ANKRD44: variants seen among roughly 807,000 people sequenced by gnomAD.
The protein encoded by ANKRD44 is serine/threonine-protein phosphatase 6 regulatory ankyrin repeat subunit B.
A neutral mutation model predicts 116.0 loss-of-function variants in ANKRD44; 35 were observed. That is an observed-to-expected ratio of 0.30 (90% CI 0.23 to 0.40). The LOEUF (loss-of-function observed/expected upper bound fraction) is 0.40. ANKRD44 is among the 10% of genes least tolerant of loss of function. The probability of loss-of-function intolerance (pLI) is 1.00; values close to 1 mark genes in which losing one functional copy is unlikely to be tolerated. For synonymous variants in ANKRD44, 435 were observed against 461.8 expected, an observed-to-expected ratio of 0.94 and a Z score of 0.74; for missense variants, 1,014 against 1,242.6, an observed-to-expected ratio of 0.82 and a Z score of 2.77.
In ANKRD44 at chr2:196,989,852, C is replaced by G. The variant is rs2075887968; in HGVS notation, c.2924-203G>C. On this transcript the variant is annotated intron_variant, in intron 27 of 27. Transcript: ENST00000282272. ...CTACTGATGAACAATGCTGATGATT[C>G]TGATGTTTTTTAAAAGTTAGTATTT... The G allele has an allele frequency of 6.4e-6, 8 of 1,255,016 alleles. No individual in the cohort carries two copies. In the East Asian group the frequency reaches 1.3e-4, roughly 20 times the overall value. The allele number at this position is 1,255,016 out of a possible 1,614,324, so 77.7% of individuals were successfully genotyped here.
At chr2:196,995,351 C>A in intron 26 of ANKRD44, 28 bp downstream of exon 26, 2 of 1,540,160 alleles carry the variant, frequency 1.3e-6, no homozygotes, top group South Asian at 1.1e-5. Flanking sequence ...ACCCTGGGTT[C>A]AAGTCCAACT....
At chr2:197,274,523 G>A (rs539419311) in intron 1 of ANKRD44, among the ~76,000 whole-genome samples, 1 of 152,244 alleles carries the variant, frequency 6.6e-6, no homozygotes, top group East Asian at 1.9e-4. Context: ...AGGATATAAA[G>A]GCCCACGATG....
At chr2:197,217,239 C>G (rs1355085355) in intron 1 of ANKRD44, among the ~76,000 whole-genome samples, 2 of 152,030 alleles carry the variant, frequency 1.3e-5, no homozygotes, top group Admixed American at 6.6e-5. Context: ...TCCATCAAAA[C>G]CAGTAAAGAA....
At chr2:197,175,515 G>A (rs965834793) in intron 2 of ANKRD44, among the ~76,000 whole-genome samples, 1 of 152,160 alleles carries the variant, frequency 6.6e-6, no homozygotes, top group African/African-American at 2.4e-5. Flanking sequence ...CACAGTGTCG[G>A]TACCACTGAG....
At chr2:197,117,865 G>A (rs1487647690) in intron 8 of ANKRD44, among the ~76,000 whole-genome samples, 2 of 152,016 alleles carry the variant, frequency 1.3e-5, no homozygotes, top group Non-Finnish European at 2.9e-5. Context: ...ACTATACCTG[G>A]GTTTTCTTTT....
intron 16 of ANKRD44, among the ~76,000 whole-genome samples, chr2:197,033,538 A>G (rs551591637): frequency 1.3e-5 from 2 of 152,300 alleles, no homozygotes; most frequent in South Asian, 4.1e-4. Flanking sequence ...ACCTATATCT[A>G]ACCTAAAACC....
At chr2:197,042,938 T>G (rs1243668797) in intron 16 of ANKRD44, among the ~76,000 whole-genome samples, 1 of 152,240 alleles carries the variant, frequency 6.6e-6, no homozygotes, top group African/African-American at 2.4e-5. Flanking sequence ...GCCGTTTCAC[T>G]CCCTGGATTC....
chr2:197,081,082 C>T (rs2077783098), intron 15 of ANKRD44, among the ~76,000 whole-genome samples: 1 of 152,194 alleles, frequency 6.6e-6, no homozygotes, highest in South Asian at 2.1e-4. Flanking sequence ...GCAGGCACTC[C>T]CACCCCTGCC....
intron 21 of ANKRD44, among the ~76,000 whole-genome samples, chr2:196,970,619 C>T (rs1237906628): frequency 2.0e-5 from 3 of 151,958 alleles, no homozygotes; most frequent in Non-Finnish European, 4.4e-5. Flanking sequence ...TTTATGCATT[C>T]CAGTCTCTTA....
chr2:197,064,449 C>A (rs1435066800), intron 16 of ANKRD44, among the ~76,000 whole-genome samples: 3 of 152,140 alleles, frequency 2.0e-5, no homozygotes, highest in African/African-American at 7.2e-5. Context: ...TCACACATAA[C>A]AATATTAAGC....
At chr2:197,142,993 GTAAAT>G (rs1472543634) in intron 3 of ANKRD44, among the ~76,000 whole-genome samples, 1 of 149,954 alleles carries the variant, frequency 6.7e-6, no homozygotes, top group Admixed American at 6.6e-5. Context: ...AAAAAAAAAA[GTAAAT>G]TAAATTAAAA....
downstream of ANKRD44, among the ~76,000 whole-genome samples, chr2:196,981,787 T>C (rs1490383274): frequency 6.6e-6 from 1 of 151,816 alleles, no homozygotes; most frequent in Non-Finnish European, 1.5e-5. Context: ...CTCAAAATAA[T>C]AATAATAATA....
chr2:197,268,472 C>G (rs2082798416), intron 1 of ANKRD44, among the ~76,000 whole-genome samples: 1 of 152,150 alleles, frequency 6.6e-6, no homozygotes, highest in Non-Finnish European at 1.5e-5. Flanking sequence ...TCTTCACATT[C>G]GTTATCTCAT....
At chr2:197,006,247 C>T (rs4850743) in intron 20 of ANKRD44, among the ~76,000 whole-genome samples, 15,593 of 152,018 alleles carry the variant, frequency 0.1, 995 homozygotes, top group East Asian at 0.16. Flanking sequence ...TCGAGACCAT[C>T]CTGGCTAACA....
intron 16 of ANKRD44, among the ~76,000 whole-genome samples, chr2:197,077,250 A>G (rs575724565): frequency 6.6e-6 from 1 of 152,294 alleles, no homozygotes; most frequent in East Asian, 1.9e-4. Flanking sequence ...CATTTCTCTA[A>G]TGATCAGTGA....
chr2:197,009,815 C>T (rs2076264807), intron 18 of ANKRD44, among the ~76,000 whole-genome samples: 1 of 152,252 alleles, frequency 6.6e-6, no homozygotes, highest in East Asian at 1.9e-4. Context: ...GTGCATTGAT[C>T]CCCACCTTCC....
intron 1 of ANKRD44, among the ~76,000 whole-genome samples, chr2:197,310,163 T>A (rs1395193802): frequency 2.6e-5 from 4 of 151,804 alleles, no homozygotes. Flanking sequence ...TGGGGAGGGG[T>A]CCCAGTCTGC....
chr2:197,209,475 G>A (rs755958747), intron 1 of ANKRD44, among the ~76,000 whole-genome samples: 11 of 152,148 alleles, frequency 7.2e-5, no homozygotes, highest in Non-Finnish European at 1.3e-4. Flanking sequence ...CCATTCCTGT[G>A]CCTTTAGCAG....
chr2:197,185,918 T>G (rs974200393), intron 2 of ANKRD44, among the ~76,000 whole-genome samples: 6 of 152,188 alleles, frequency 3.9e-5, no homozygotes, highest in African/African-American at 1.4e-4. Context: ...ATCTTTGGCT[T>G]TGTGAGCCAC....
Sources: gnomAD v4.1 joint callset for allele counts (sites outside exome capture counted in the v4.1 genomes callset) on GRCh38, gnomAD v4.1.1 for gene constraint, MANE v1.5 for transcripts, NCBI Gene and HGNC (gene_info 2026-07-23, HGNC 2026-07-21) for gene names.